Variants in CFTR observed in about 807,000 individuals in gnomAD.
CFTR encodes the protein CF transmembrane conductance regulator, also known as cystic fibrosis transmembrane conductance regulator.
A neutral mutation model predicts 171.6 loss-of-function variants in CFTR; 181 were observed. The ratio of observed to expected loss-of-function variants is 1.05; its 90% confidence interval spans 0.93 to 1.19. CFTR has a LOEUF of 1.19. Among genes scored for constraint, CFTR ranks in the 50% most tolerant of loss-of-function variants. The pLI is 0.00. For missense variants in CFTR, 1,968 were observed against 1,734.7 expected (o/e 1.13, Z -2.39); for synonymous variants, 583 against 608.0 (o/e 0.96, Z 0.60).
chr7:117,501,430 A>C (rs939960957), intron 1 of CFTR, among the ~76,000 whole-genome samples: 2 of 152,014 alleles, frequency 1.3e-5, no homozygotes, highest in African/African-American at 4.8e-5. Flanking sequence ...TAAATAAATT[A>C]TATTAAAACA....
At position 117,535,269 on chromosome 7, in the gene CFTR, G is replaced by A. The variant is rs138338446; in HGVS notation, c.601G>A (p.Val201Met). ...FDEGLALAHF[V>M]WIAPLQVALL... ...CCAGGGACTTGCATTGGCACATTTC[G>A]TGTGGATCGCTCCTTTGCAAGTGGC... The change falls in exon 6 of 27, where the codon GTG (valine) becomes ATG (methionine). Residue 201 changes from valine to methionine, a missense_variant. Val to Met is a conservative substitution (Grantham distance 21). Transcript: ENST00000003084. 272 of 1,614,044 alleles carry A rather than the reference G, an allele frequency of 1.7e-4. 1 individual carries two copies. Among genetic ancestry groups the A allele is most frequent in the Admixed American group, 1.6e-3 (93 of 59,996 alleles).
At chr7:117,519,602 A>G (rs35766024) in intron 3 of CFTR, among the ~76,000 whole-genome samples, 13,243 of 151,976 alleles carry the variant, frequency 0.087, 1,936 homozygotes, top group African/African-American at 0.3. Flanking sequence ...TCAGATAATT[A>G]CTGGTAAATT....
chr7:117,488,450 CA>C (rs1798107039), intron 1 of CFTR, among the ~76,000 whole-genome samples: 1 of 151,964 alleles, frequency 6.6e-6, no homozygotes, highest in African/African-American at 2.4e-5. Context: ...GGTAGCTTAA[CA>C]GTTATTAGAT....
chr7:117,498,168 T>C (rs1450080982), intron 1 of CFTR, among the ~76,000 whole-genome samples: 1 of 152,142 alleles, frequency 6.6e-6, no homozygotes, highest in Non-Finnish European at 1.5e-5. Context: ...TAGCAGCAAA[T>C]AATTAGTTCT....
At chr7:117,598,263 A>T (rs1041617576) in intron 15 of CFTR, among the ~76,000 whole-genome samples, 5 of 152,232 alleles carry the variant, frequency 3.3e-5, no homozygotes, top group Admixed American at 3.3e-4. Context: ...ATTACTGCAG[A>T]TATTTATTCT....
chr7:117,483,219 T>G (rs1315948215), intron 1 of CFTR, among the ~76,000 whole-genome samples: 5 of 152,232 alleles, frequency 3.3e-5, no homozygotes, highest in Non-Finnish European at 7.3e-5. Flanking sequence ...ACCACACTCC[T>G]ATTCTAAACA....
intron 13 of CFTR, among the ~76,000 whole-genome samples, chr7:117,591,707 C>T (rs1792026203): frequency 6.6e-6 from 1 of 152,052 alleles, no homozygotes; most frequent in African/African-American, 2.4e-5. Flanking sequence ...ATTTCATTCT[C>T]AGTCTGTTAA....
At chr7:117,505,092 G>A (rs1252807365) in intron 2 of CFTR, among the ~76,000 whole-genome samples, 1 of 152,092 alleles carries the variant, frequency 6.6e-6, no homozygotes, top group Non-Finnish European at 1.5e-5. Context: ...CCTGTTACAT[G>A]CCAGGTAGAA....
chr7:117,509,495 C>T (rs987575434), intron 3 of CFTR, among the ~76,000 whole-genome samples: 2 of 152,080 alleles, frequency 1.3e-5, no homozygotes, highest in Non-Finnish European at 2.9e-5. Context: ...GAGACAATGT[C>T]AGCAGAATTA....
At chr7:117,541,662 C>T (rs765778898) in intron 8 of CFTR, among the ~76,000 whole-genome samples, 7 of 151,936 alleles carry the variant, frequency 4.6e-5, no homozygotes, top group South Asian at 4.1e-4. Flanking sequence ...TTTTTTTCTC[C>T]GTCCAATGTT....
At position 117,603,388 on chromosome 7, in the gene CFTR, G is replaced by A. The variant is rs988806506; in HGVS notation, c.2658-144G>A. ...ACATATCTATTTTCTTGCAATAATA[G>A]TATGATTTTGAGGTTAAGGGTGCAT... is the stretch of plus-strand genomic sequence containing the variant. On this transcript the variant is annotated intron_variant, in intron 16 of 26. Coordinates refer to ENST00000003084, the MANE Select transcript of CFTR (RefSeq NM_000492.4). The A allele has an allele frequency of 3.9e-6, 3 of 777,486 alleles. No individual in the cohort carries two copies. In the Admixed American group the frequency reaches 6.4e-5, roughly 17 times the overall value. 48.2% of individuals were successfully genotyped at this position (777,486 alleles called of 1,614,324 possible). A position where few individuals can be genotyped will look rare whatever the true frequency, so the allele number is the denominator to read the frequency against.
At chr7:117,645,901 A>T (rs980981952) in intron 23 of CFTR, among the ~76,000 whole-genome samples, 67 of 152,274 alleles carry the variant, frequency 4.4e-4, no homozygotes, top group African/African-American at 1.5e-3. Context: ...AAAGAATGTA[A>T]TAGAAATGCT....
At chr7:117,484,768 T>C (rs1435151110) in intron 1 of CFTR, among the ~76,000 whole-genome samples, 1 of 151,680 alleles carries the variant, frequency 6.6e-6, no homozygotes, top group Non-Finnish European at 1.5e-5. Context: ...CTTTTAATTT[T>C]GCAAATTTTA....
intron 13 of CFTR, among the ~76,000 whole-genome samples, chr7:117,591,299 T>C (rs1792020183): frequency 6.6e-6 from 1 of 152,100 alleles, no homozygotes; most frequent in Non-Finnish European, 1.5e-5. Context: ...TCTTTCTATA[T>C]GATATATGAC....
chr7:117,490,072 A>C (rs1798133347), intron 1 of CFTR, among the ~76,000 whole-genome samples: 1 of 151,908 alleles, frequency 6.6e-6, no homozygotes, highest in Non-Finnish European at 1.5e-5. Context: ...AGGTAGCAAT[A>C]TATGATGGAA....
rs111298559 is a variant in CFTR at position 117,605,670 on chromosome 7, A to G, written c.2909-1004A>G. ...GGAGGAAACATAGATTTTGACAATG[A>G]GAGCTGAGGGGAAAGGGGTTTCAGG... On this transcript the variant is annotated intron_variant, in intron 17 of 26. Transcript: ENST00000003084. 5.5e-3 allele frequency among the ~76,000 whole-genome samples: 833 copies of G among 152,194 alleles called. 9 individuals carry two copies. The highest frequency in any genetic ancestry group is 0.018 in the African/African-American group (766 of 41,546).
rs117239558 is a variant in CFTR, at chr7:117,597,168, C to T, written c.2619+2110C>T. ...CTGCTCACTTTTTGGGTCCGCATTG[C>T]GTTTATGAGCTGTGACACTCACTGG... is the stretch of plus-strand genomic sequence containing the variant. On this transcript the variant is annotated intron_variant, in intron 15 of 26. Transcript: ENST00000003084. Among the ~76,000 whole-genome samples, 6 of 152,272 alleles carry T rather than the reference C, an allele frequency of 3.9e-5. No individual in the cohort carries two copies. The East Asian group carries it at 1.2e-3, about 29-fold the overall frequency.
At chr7:117,663,830 A>T (rs1359638557) in intron 24 of CFTR, among the ~76,000 whole-genome samples, 3 of 152,180 alleles carry the variant, frequency 2.0e-5, no homozygotes, top group Admixed American at 6.5e-5. Context: ...CCAAAAATAA[A>T]CATTTAATGC....
Position 117,664,793 on chromosome 7 carries a change from G to A in CFTR, c.4069G>A (p.Ala1357Thr). The part of the protein sequence containing the change: ...SHGHKQLMCL[A>T]RSVLSKAKIL... ...TGGCCACAAGCAGTTGATGTGCTTG[G>A]CTAGATCTGTTCTCAGTAAGGCGAA... The change falls in exon 25 of 27, where the codon GCT (alanine) becomes ACT (threonine). Residue 1357 changes from alanine to threonine, a missense_variant. Ala to Thr is a moderately conservative substitution (Grantham distance 58). Transcript: ENST00000003084. The A allele has an allele frequency of 6.2e-7, 1 of 1,614,000 alleles. No individual in the cohort carries two copies. The highest frequency in any genetic ancestry group is 8.5e-7 in the Non-Finnish European group (1 of 1,179,906).
Sources: gnomAD v4.1 joint callset for allele counts (sites outside exome capture counted in the v4.1 genomes callset) on GRCh38, gnomAD v4.1.1 for gene constraint, MANE v1.5 for transcripts, NCBI Gene and HGNC (gene_info 2026-07-23, HGNC 2026-07-21) for gene names.